The following NCOR2 variants were observed in gnomAD, a reference collection of about 807,000 sequenced individuals.
The protein encoded by NCOR2 is CTG repeat protein 26.
Under a neutral mutation model 262.9 loss-of-function variants are expected in NCOR2, and 81 were observed. That is an observed-to-expected ratio of 0.31 (90% CI 0.26 to 0.37). The LOEUF is 0.37. Ranked by LOEUF, NCOR2 falls within the 10% of genes least tolerant of loss-of-function variation. The pLI, the probability that NCOR2 is intolerant of heterozygous loss-of-function variation, is 1.00. For synonymous variants in NCOR2, 1,659 were observed against 1,559.3 expected (o/e 1.06, Z -1.51); for missense variants, 3,385 against 3,621.4 (o/e 0.93, Z 1.68).
intron 37 of NCOR2, 105 bp downstream of exon 39, chr12:124,339,901 A>ACCCCCCT: frequency 5.4e-6 from 1 of 186,868 alleles, no homozygotes; most frequent in Non-Finnish European, 1.0e-5. Context: ...CTGCCCACCC[A>ACCCCCCT]CCCACCTCCC....
rs908571357 is a variant in NCOR2, at chr12:124,341,986, G to A, written c.5025C>T (p.Asp1675=). Reference sequence around the variant, plus strand: ...TCTGCCGGTTCTCCAGCGCCGCCGTGTCGGGGTAGCCGCGGATGAGGTAGG... The same window carrying A: ...TCTGCCGGTTCTCCAGCGCCGCCGTATCGGGGTAGCCGCGGATGAGGTAGG... Residue 1675 remains aspartate, a synonymous_variant, in exon 34 of 47, where the codon GAC becomes GAT. Transcript: ENST00000405201. The A allele has an allele frequency of 1.4e-5, 22 of 1,613,454 alleles. No homozygotes were observed. The Admixed American group carries it at 1.7e-4, about 12-fold the overall frequency.
intron 1 of NCOR2, among the ~76,000 whole-genome samples, chr12:124,518,673 G>A (rs996929154): frequency 5.3e-5 from 8 of 152,254 alleles, no homozygotes; most frequent in African/African-American, 1.7e-4. Flanking sequence ...ATTCCTCATC[G>A]CCATGGTAAC....
chr12:124,378,431 A>C lies in NCOR2; in HGVS notation c.2020-47T>G, dbSNP rs952073707. ...GATCAGGACTGGGGCCTGGGCTGTC[A>C]GCTCGGGGACTCCCCATGCCTGGGG... On this transcript the variant is annotated intron_variant, in intron 17 of 46. Coordinates refer to ENST00000405201, the Ensembl canonical transcript of NCOR2. The surrounding 1 kb of genome is among the most constrained non-coding windows in gnomAD (Gnocchi z 4.2). The C allele has an allele frequency of 1.9e-6, 3 of 1,557,108 alleles. No homozygotes were observed. The Admixed American group carries it at 5.5e-5, about 28-fold the overall frequency.
At chr12:124,544,534 G>A (rs954947588) in intron 1 of NCOR2, among the ~76,000 whole-genome samples, 1 of 152,182 alleles carries the variant, frequency 6.6e-6, no homozygotes, top group Admixed American at 6.5e-5. Flanking sequence ...GATATTCAGG[G>A]TGGGAGGGTG....
intron 1 of NCOR2, among the ~76,000 whole-genome samples, chr12:124,511,094 C>T (rs1158142314): frequency 2.6e-5 from 4 of 152,220 alleles, no homozygotes; most frequent in South Asian, 2.1e-4. Flanking sequence ...AAATCGCAGA[C>T]GTGGAGCTGA....
At chr12:124,358,662 ATACT>A (rs1232181830) in intron 22 of NCOR2, among the ~76,000 whole-genome samples, 2 of 152,186 alleles carry the variant, frequency 1.3e-5, no homozygotes, top group South Asian at 4.1e-4. Context: ...TCACCAGCAA[ATACT>A]TAGCCGAGTC....
At chr12:124,500,019 G>T (rs1215015738), upstream of NCOR2, among the ~76,000 whole-genome samples, 1 of 152,164 alleles carries the variant, frequency 6.6e-6, no homozygotes, top group African/African-American at 2.4e-5. Context: ...CAGGCCCGCT[G>T]CGAGGACCCT....
chr12:124,333,550 CAGTTT>C (rs1056827739), intron 41 of NCOR2, among the ~76,000 whole-genome samples: 22 of 152,050 alleles, frequency 1.4e-4, no homozygotes, highest in African/African-American at 5.3e-4. Context: ...CCATGGGCCA[CAGTTT>C]ATTGACCCCT....
intron 1 of NCOR2, among the ~76,000 whole-genome samples, chr12:124,558,566 G>A (rs2051961937): frequency 6.6e-6 from 1 of 152,170 alleles, no homozygotes; most frequent in Admixed American, 6.5e-5. Flanking sequence ...GAGGTGGCTG[G>A]GACCACGTCT....
intron 13 of NCOR2, among the ~76,000 whole-genome samples, chr12:124,413,316 G>C (rs1180163293): frequency 6.6e-6 from 1 of 152,182 alleles, no homozygotes; most frequent in Admixed American, 6.5e-5. Flanking sequence ...TGTTGAGATG[G>C]GCCAGGCGCG....
chr12:124,397,467 T>G (rs1404354283), intron 16 of NCOR2, among the ~76,000 whole-genome samples: 1 of 152,158 alleles, frequency 6.6e-6, no homozygotes, highest in Non-Finnish European at 1.5e-5. Context: ...CCCACGGTGC[T>G]GCACATCACA....
At chr12:124,550,245 C>T (rs2051674340) in intron 1 of NCOR2, among the ~76,000 whole-genome samples, 1 of 152,200 alleles carries the variant, frequency 6.6e-6, no homozygotes. Flanking sequence ...TGGGCACCCA[C>T]TGTGTGCAGG....
chr12:124,336,944 C>A (rs779092173), exon 38 of NCOR2: 2 of 1,548,094 alleles, frequency 1.3e-6, no homozygotes, highest in Non-Finnish European at 8.7e-7. Flanking sequence ...GGGCTCCGAG[C>A]CCTTGCTGGG....
exon 36 of NCOR2, chr12:124,340,385 G>T (rs2036360481): frequency 1.2e-6 from 2 of 1,613,088 alleles, no homozygotes; most frequent in Non-Finnish European, 1.7e-6. Flanking sequence ...CTCGATCCCG[G>T]TCTCGCTCCC....
chr12:124,400,642 T>C, exon 15 of NCOR2: 1 of 1,614,184 alleles, frequency 6.2e-7, no homozygotes, highest in Non-Finnish European at 8.5e-7. Context: ...TTCTCGTCGT[T>C]GTCCTCCCCT....
At position 124,482,658 on chromosome 12, in the gene NCOR2, G is replaced by A. The variant is rs989412003; in HGVS notation, c.411+938C>T. Among the ~76,000 whole-genome samples, 2 of 152,152 alleles carry A rather than the reference G, an allele frequency of 1.3e-5. No homozygotes were observed. Among genetic ancestry groups the A allele is most frequent in the African/African-American group, 2.4e-5 (1 of 41,420 alleles). ...TGTGGAGGTGGGGGTGGTGGAAATC[G>A]CACCTGGGTCACCTGAGGGCAGATG... On this transcript the variant is annotated intron_variant, in intron 3 of 46. Coordinates refer to ENST00000405201, the Ensembl canonical transcript of NCOR2. This position sits in a 1 kb window ranked among gnomAD's most constrained non-coding sequence, Gnocchi z 6.3.
chr12:124,381,657 G>C lies in NCOR2; in HGVS notation c.2020-3273C>G, dbSNP rs75341977. On this transcript the variant is annotated intron_variant, in intron 17 of 46. Coordinates refer to ENST00000405201, the Ensembl canonical transcript of NCOR2. ...CACAGCTCATGAGTTGAGGAGCTCA[G>C]ATTTGAATGCAGGCCAGCTTCAAAC... Among the ~76,000 whole-genome samples, 606 of 152,376 alleles carry C rather than the reference G, an allele frequency of 4.0e-3. 4 individuals are homozygous for C. The highest frequency in any genetic ancestry group is 6.5e-3 in the Non-Finnish European group (440 of 68,040).
chr12:124,391,359 C>G (rs2041291124), intron 16 of NCOR2, among the ~76,000 whole-genome samples: 3 of 152,044 alleles, frequency 2.0e-5, no homozygotes, highest in Non-Finnish European at 4.4e-5. Context: ...AGGGGTGCAT[C>G]GACCACCGCC....
At chr12:124,399,135 GC>G (rs1432399362) in intron 15 of NCOR2, among the ~76,000 whole-genome samples, 1 of 151,390 alleles carries the variant, frequency 6.6e-6, no homozygotes, top group African/African-American at 2.4e-5. Flanking sequence ...AGGGGAGACG[GC>G]CCCCACCCCC....
Sources: allele counts gnomAD v4.1 joint callset (sites outside exome capture counted in the v4.1 genomes callset), GRCh38; gene constraint gnomAD v4.1.1; non-coding constraint Gnocchi (gnomAD v3.1); transcripts MANE v1.5; gene names NCBI Gene and HGNC (gene_info 2026-07-23, HGNC 2026-07-21).